MCTP2: variants seen among roughly 807,000 people sequenced by gnomAD.
MCTP2 encodes the protein multiple C2 and transmembrane domain containing 2, also known as multiple C2 and transmembrane domain-containing protein 2.
Under a neutral mutation model 111.6 loss-of-function variants are expected in MCTP2, and 132 were observed. The ratio of observed to expected loss-of-function variants is 1.18; its 90% confidence interval spans 1.03 to 1.37. The LOEUF is 1.37. Among genes scored for constraint, MCTP2 ranks in the 40% most tolerant of loss-of-function variants. The pLI is 0.00. For synonymous variants in MCTP2, 395 were observed against 387.7 expected, an observed-to-expected ratio of 1.02 and a Z score of -0.22; for missense variants, 1,183 against 1,067.9, an observed-to-expected ratio of 1.11 and a Z score of -1.50.
chr15:94,311,023 T>TTTA (rs2076106346), intron 2 of MCTP2, among the ~76,000 whole-genome samples: 1 of 140,916 alleles, frequency 7.1e-6, no homozygotes, highest in Admixed American at 7.7e-5. Context: ...TTCCTTTTTT[T>TTTA]TTTTTTTTTT....
At chr15:94,414,422 A>T (rs759030069) in intron 17 of MCTP2, among the ~76,000 whole-genome samples, 11 of 152,224 alleles carry the variant, frequency 7.2e-5, no homozygotes, top group Non-Finnish European at 1.2e-4. Context: ...TATAAAAAAT[A>T]TTCAGTTCTC....
chr15:94,457,865 G>A (rs908973363), intron 19 of MCTP2, among the ~76,000 whole-genome samples: 1 of 152,124 alleles, frequency 6.6e-6, no homozygotes, highest in Non-Finnish European at 1.5e-5. Context: ...GCCTCCACGG[G>A]GAAGTGAAGT....
intron 17 of MCTP2, among the ~76,000 whole-genome samples, chr15:94,422,266 G>C (rs1409088595): frequency 6.6e-6 from 1 of 152,088 alleles, no homozygotes; most frequent in Non-Finnish European, 1.5e-5. Flanking sequence ...GCTAGTTCCA[G>C]GGGCCAATCA....
At chr15:94,321,850 AT>A (rs2076644732) in intron 4 of MCTP2, among the ~76,000 whole-genome samples, 1 of 152,232 alleles carries the variant, frequency 6.6e-6, no homozygotes, top group African/African-American at 2.4e-5. Flanking sequence ...TTGTATATGT[AT>A]TATATACTGT....
intron 1 of MCTP2, among the ~76,000 whole-genome samples, chr15:94,245,920 T>C (rs2071963420): frequency 1.3e-5 from 2 of 152,050 alleles, no homozygotes; most frequent in Admixed American, 1.3e-4. Context: ...AAAAAACTTG[T>C]CTCCCTGGAG....
intron 19 of MCTP2, among the ~76,000 whole-genome samples, chr15:94,445,102 C>T (rs1349965745): frequency 6.6e-6 from 1 of 152,180 alleles, no homozygotes; most frequent in Non-Finnish European, 1.5e-5. Flanking sequence ...TTAAACCTTT[C>T]TGGGCAAGGA....
intron 17 of MCTP2, among the ~76,000 whole-genome samples, chr15:94,420,048 C>T (rs1270606404): frequency 2.0e-5 from 3 of 152,244 alleles, no homozygotes; most frequent in Admixed American, 2.0e-4. Context: ...GAAGCCAGTA[C>T]TCATTTAGCA....
chr15:94,421,110 T>TA, intron 17 of MCTP2, among the ~76,000 whole-genome samples: 1 of 151,514 alleles, frequency 6.6e-6, no homozygotes, highest in East Asian at 1.9e-4. Flanking sequence ...TTTTTTTTTT[T>TA]AGCAATGAAC....
chr15:94,434,581 A>G (rs2083364565), intron 17 of MCTP2, among the ~76,000 whole-genome samples: 1 of 152,032 alleles, frequency 6.6e-6, no homozygotes, highest in Admixed American at 6.5e-5. Context: ...TTTTCCCCAT[A>G]CATATATCCA....
intron 6 of MCTP2, 55 bp from the exon 7 acceptor site, chr15:94,340,758 G>T (rs2077593826): frequency 2.7e-6 from 3 of 1,104,592 alleles, no homozygotes; most frequent in Non-Finnish European, 4.1e-6. Context: ...ATGCGTGTAG[G>T]TCAATACAGT....
intron 4 of MCTP2, among the ~76,000 whole-genome samples, chr15:94,334,618 C>G (rs183544172): frequency 6.6e-6 from 1 of 152,180 alleles, no homozygotes. Context: ...TCATGGTAAA[C>G]TCTAAATCTT....
At chr15:94,362,997 A>C (rs1214052239) in intron 10 of MCTP2, among the ~76,000 whole-genome samples, 1 of 152,232 alleles carries the variant, frequency 6.6e-6, no homozygotes, top group Non-Finnish European at 1.5e-5. Flanking sequence ...GGTGAGTAGA[A>C]CAATGGCATT....
At chr15:94,259,142 C>A (rs192664352) in intron 1 of MCTP2, among the ~76,000 whole-genome samples, 207 of 152,304 alleles carry the variant, frequency 1.4e-3, no homozygotes, top group African/African-American at 4.8e-3. Context: ...CTTCACCCCA[C>A]CCAGCCTAGT....
intron 1 of MCTP2, among the ~76,000 whole-genome samples, chr15:94,297,759 T>C (rs1388378576): frequency 6.6e-6 from 1 of 152,226 alleles, no homozygotes; most frequent in Admixed American, 6.5e-5. Context: ...GTCTAAAATA[T>C]TTAATAACTG....
At chr15:94,305,976 T>A (rs530501429) in intron 2 of MCTP2, among the ~76,000 whole-genome samples, 39 of 152,292 alleles carry the variant, frequency 2.6e-4, no homozygotes, top group Middle Eastern at 3.4e-3. Context: ...TAAAATCAGC[T>A]AAGTATTTAG....
At chr15:94,462,706 G>A (rs1056507820) in intron 20 of MCTP2, among the ~76,000 whole-genome samples, 1 of 152,146 alleles carries the variant, frequency 6.6e-6, no homozygotes, top group African/African-American at 2.4e-5. Flanking sequence ...AATTTTCTGA[G>A]TTCAAATCCC....
intron 10 of MCTP2, among the ~76,000 whole-genome samples, chr15:94,364,332 A>T (rs1227538896): frequency 1.3e-5 from 2 of 152,154 alleles, no homozygotes; most frequent in East Asian, 3.9e-4. Context: ...CCTGCCCATA[A>T]CAGGGAAAGG....
In MCTP2 at chr15:94,393,981, C is replaced by T. The variant is rs140646225; in HGVS notation, c.1789-4980C>T. ...AGGACAATCACTTGAACTCAGGAGG[C>T]GGAGGTTGTGGTGAGCCAAGACTGC... On this transcript the variant is annotated intron_variant, in intron 14 of 22. Transcript: ENST00000357742. 1.2e-3 allele frequency among the ~76,000 whole-genome samples: 151 copies of T among 128,952 alleles called. 1 individual carries two copies. The highest frequency in any genetic ancestry group is 4.2e-3 in the African/African-American group (142 of 33,584). 84.6% of individuals were successfully genotyped at this position (128,952 alleles called of 152,430 possible).
chr15:94,358,497 G>A lies in MCTP2; in HGVS notation c.1186G>A (p.Ala396Thr). The stretch of plus-strand genomic sequence containing the variant: ...TGTTTTCTAGACACTGTGTAAGAGT[G>A]CAAATCCGCAGTGGCAGGAACAGTT... Reference protein sequence around the residue: ...RYKSKTLCKSANPQWQEQFDF... With the variant: ...RYKSKTLCKSTNPQWQEQFDF... The change falls in exon 10 of 23, where the codon GCA (alanine) becomes ACA (threonine). Residue 396 changes from alanine (A) to threonine (T), a missense_variant. Physicochemically the swap from Ala to Thr is moderately conservative, Grantham distance 58. Coordinates refer to ENST00000357742, the MANE Select transcript of MCTP2 (RefSeq NM_001385001.1). 1 of 1,613,442 alleles carries A rather than the reference G, an allele frequency of 6.2e-7. No homozygotes were observed. Among genetic ancestry groups the A allele is most frequent in the Non-Finnish European group, 8.5e-7 (1 of 1,179,496 alleles).
Sources: gnomAD v4.1 joint callset for allele counts (sites outside exome capture counted in the v4.1 genomes callset) on GRCh38, gnomAD v4.1.1 for gene constraint, MANE v1.5 for transcripts, NCBI Gene and HGNC (gene_info 2026-07-23, HGNC 2026-07-21) for gene names.